IMMP2L: variants seen among roughly 807,000 people sequenced by gnomAD.
IMMP2L encodes the protein inner mitochondrial membrane peptidase subunit 2.
IMMP2L carries 18 observed loss-of-function variants against 19.3 expected under a neutral mutation model. The observed-to-expected ratio is 0.93, with a 90% CI of 0.64 to 1.38. The LOEUF (loss-of-function observed/expected upper bound fraction) is 1.38. IMMP2L is among the 40% of genes most tolerant of loss of function. The pLI is 0.00. For synonymous variants in IMMP2L, 76 were observed against 73.0 expected (o/e 1.04, Z -0.21); for missense variants, 233 against 218.2 (o/e 1.07, Z -0.43).
chr7:111,177,285 T>A (rs1047278921), intron 3 of IMMP2L, among the ~76,000 whole-genome samples: 2 of 152,054 alleles, frequency 1.3e-5, no homozygotes, highest in African/African-American at 4.8e-5. Flanking sequence ...GCTCAAGTGA[T>A]CCTCCTACCT....
intron 1 of IMMP2L, among the ~76,000 whole-genome samples, chr7:111,544,695 G>A (rs1012025428): frequency 4.6e-5 from 7 of 152,096 alleles, no homozygotes; most frequent in African/African-American, 1.7e-4. Context: ...ACAGAACTCA[G>A]GCTTAGTGTA....
chr7:111,228,044 G>A (rs533151613), intron 3 of IMMP2L, among the ~76,000 whole-genome samples: 2 of 152,202 alleles, frequency 1.3e-5, no homozygotes, highest in Admixed American at 6.5e-5. Context: ...ATAGGCCACA[G>A]AAATCTATCA....
At chr7:111,498,171 T>G (rs1585361844) in intron 2 of IMMP2L, among the ~76,000 whole-genome samples, 1 of 152,168 alleles carries the variant, frequency 6.6e-6, no homozygotes, top group African/African-American at 2.4e-5. Context: ...GATTGCAAGG[T>G]TCAAATCTGC....
intron 3 of IMMP2L, among the ~76,000 whole-genome samples, chr7:111,056,899 A>G (rs1333181567): frequency 6.6e-6 from 1 of 152,150 alleles, no homozygotes; most frequent in Non-Finnish European, 1.5e-5. Flanking sequence ...GGTGGCAGAG[A>G]CAGAGGAAAA....
chr7:111,262,919 G>A (rs1817470317), intron 3 of IMMP2L, among the ~76,000 whole-genome samples: 1 of 152,056 alleles, frequency 6.6e-6, no homozygotes, highest in Non-Finnish European at 1.5e-5. Flanking sequence ...TTGATACTGG[G>A]CAAGATCTCT....
intron 5 of IMMP2L, among the ~76,000 whole-genome samples, chr7:110,766,604 A>AG (rs1287480690): frequency 4.2e-4 from 64 of 151,598 alleles, no homozygotes; most frequent in African/African-American, 1.5e-3. Flanking sequence ...AAAAAAAAAA[A>AG]AAGATTTTTC....
At chr7:110,911,017 T>C (rs750882245) in intron 4 of IMMP2L, among the ~76,000 whole-genome samples, 12 of 152,174 alleles carry the variant, frequency 7.9e-5, no homozygotes, top group Admixed American at 2.0e-4. Flanking sequence ...AAGAACATTA[T>C]AATTTACTCT....
At chr7:111,151,155 A>G (rs1027177129) in intron 3 of IMMP2L, among the ~76,000 whole-genome samples, 22 of 152,230 alleles carry the variant, frequency 1.4e-4, no homozygotes, top group Admixed American at 3.3e-4. Context: ...CTGCCAGTGT[A>G]CCTGAGCATA....
At chr7:110,788,241 G>A (rs781513178) in intron 5 of IMMP2L, among the ~76,000 whole-genome samples, 6 of 151,872 alleles carry the variant, frequency 4.0e-5, no homozygotes, top group Non-Finnish European at 8.8e-5. Flanking sequence ...ATTTGTTCTT[G>A]AACCCTCACT....
intron 5 of IMMP2L, among the ~76,000 whole-genome samples, chr7:110,705,766 G>A: frequency 6.6e-6 from 1 of 151,684 alleles, no homozygotes; most frequent in Non-Finnish European, 1.5e-5. Flanking sequence ...TTAGTCCCCA[G>A]TGTCTATTCT....
At chr7:111,542,580 T>G (rs1253162544) in intron 1 of IMMP2L, among the ~76,000 whole-genome samples, 1 of 152,110 alleles carries the variant, frequency 6.6e-6, no homozygotes, top group East Asian at 1.9e-4. Context: ...TATTCATAAC[T>G]CCCAATAAAT....
intron 3 of IMMP2L, among the ~76,000 whole-genome samples, chr7:111,105,296 A>T (rs1798421755): frequency 6.6e-6 from 1 of 151,930 alleles, no homozygotes; most frequent in African/African-American, 2.4e-5. Flanking sequence ...TATGAATCTG[A>T]CATCTAGTTA....
chr7:111,194,446 A>C (rs560756859), intron 3 of IMMP2L, among the ~76,000 whole-genome samples: 68 of 152,242 alleles, frequency 4.5e-4, no homozygotes, highest in African/African-American at 1.6e-3. Context: ...CCTCCTTTGT[A>C]CCATTACACC....
chr7:111,165,762 G>A (rs1805749878), intron 3 of IMMP2L, among the ~76,000 whole-genome samples: 2 of 151,898 alleles, frequency 1.3e-5, no homozygotes, highest in African/African-American at 2.4e-5. Flanking sequence ...ACTCATTCTG[G>A]GTCATCTCTT....
intron 5 of IMMP2L, among the ~76,000 whole-genome samples, chr7:110,785,888 C>T (rs554477027): frequency 6.6e-6 from 1 of 151,940 alleles, no homozygotes; most frequent in South Asian, 2.1e-4. Flanking sequence ...GTATTTTTCT[C>T]TCTCTTTCAT....
At chr7:111,308,491 C>T (rs952991266) in intron 3 of IMMP2L, among the ~76,000 whole-genome samples, 19 of 151,746 alleles carry the variant, frequency 1.3e-4, no homozygotes, top group African/African-American at 2.2e-4. Context: ...TGCTTTGAGT[C>T]GGCCTTTATT....
intron 3 of IMMP2L, among the ~76,000 whole-genome samples, chr7:111,303,298 C>T (rs1020658015): frequency 9.2e-5 from 14 of 151,938 alleles, no homozygotes; most frequent in Admixed American, 2.6e-4. Context: ...CAATTTATAA[C>T]GTATGAATAT....
At chr7:111,274,604 T>G (rs996074828) in intron 3 of IMMP2L, among the ~76,000 whole-genome samples, 5 of 152,182 alleles carry the variant, frequency 3.3e-5, no homozygotes, top group African/African-American at 1.2e-4. Flanking sequence ...TGGACTGTTC[T>G]TAACAAGCAT....
At chr7:111,533,726 T>G (rs559533495) in intron 1 of IMMP2L, among the ~76,000 whole-genome samples, 2 of 152,090 alleles carry the variant, frequency 1.3e-5, no homozygotes, top group African/African-American at 4.8e-5. Flanking sequence ...CCAAACATTA[T>G]ATGTAATAAA....
Sources: gnomAD v4.1 joint callset for allele counts (sites outside exome capture counted in the v4.1 genomes callset) on GRCh38, gnomAD v4.1.1 for gene constraint, MANE v1.5 for transcripts, NCBI Gene and HGNC (gene_info 2026-07-23, HGNC 2026-07-21) for gene names.